ZBTB20: variants seen among roughly 807,000 people sequenced by gnomAD.
ZBTB20 encodes zinc finger and BTB domain containing 20.
Under a neutral mutation model 56.9 loss-of-function variants are expected in ZBTB20, and 9 were observed. The ratio of observed to expected loss-of-function variants is 0.16; its 90% confidence interval spans 0.10 to 0.28. The LOEUF is 0.28. ZBTB20 is among the 10% of genes least tolerant of loss of function. The pLI is 1.00. For missense variants in ZBTB20, 655 were observed against 1,003.0 expected (o/e 0.65, Z 4.69); for synonymous variants, 417 against 420.7 (o/e 0.99, Z 0.11).
At chr3:114,782,899 A>G (rs1487481713) in intron 5 of ZBTB20, among the ~76,000 whole-genome samples, 1 of 152,188 alleles carries the variant, frequency 6.6e-6, no homozygotes, top group Non-Finnish European at 1.5e-5. Flanking sequence ...CTAATTCCCA[A>G]TATACTTGAA....
intron 2 of ZBTB20, among the ~76,000 whole-genome samples, chr3:115,064,803 A>C (rs1008316331): frequency 1.3e-5 from 2 of 152,164 alleles, no homozygotes; most frequent in Non-Finnish European, 2.9e-5. Context: ...GTTGTCATTA[A>C]GAAATCAGAT....
chr3:114,443,068 C>T (rs2091033616), intron 7 of ZBTB20, among the ~76,000 whole-genome samples: 1 of 152,006 alleles, frequency 6.6e-6, no homozygotes, highest in African/African-American at 2.4e-5. Context: ...GAAGAAAATG[C>T]CAAAGATGAC....
At chr3:115,095,054 T>G (rs945258113) in intron 1 of ZBTB20, among the ~76,000 whole-genome samples, 7 of 152,032 alleles carry the variant, frequency 4.6e-5, no homozygotes, top group Non-Finnish European at 8.8e-5. Flanking sequence ...AATATGAACA[T>G]TAAATTCATC....
chr3:114,648,872 T>C (rs553213385), intron 6 of ZBTB20, among the ~76,000 whole-genome samples: 34 of 152,114 alleles, frequency 2.2e-4, no homozygotes, highest in African/African-American at 8.2e-4. Context: ...CTAAGGCAAA[T>C]ATTATTTATT....
chr3:114,573,475 AAGAAAGAAAGAC>A (rs2107374353), intron 6 of ZBTB20, among the ~76,000 whole-genome samples: 1 of 151,168 alleles, frequency 6.6e-6, no homozygotes, highest in East Asian at 1.9e-4. Context: ...AAAAAAAAAA[AAGAAAGAAAGAC>A]AGAAAGAAAG....
rs1467342908 is a variant in ZBTB20, at chr3:114,844,373, T to TATATATATATATA, written c.-416-43200_-416-43199insTATATATATATAT. The stretch of plus-strand genomic sequence containing the variant: ...TATATATATATATATATATATATAT[T>TATATATATATATA]AGCTGAGAGTGGTGGTGCATACCTA... On this transcript the variant is annotated intron_variant, in intron 4 of 11. Transcript: ENST00000675478. 9.2e-4 allele frequency among the ~76,000 whole-genome samples: 81 copies of TATATATATATATA among 88,230 alleles called. 1 individual carries two copies. Among genetic ancestry groups the TATATATATATATA allele is most frequent in the Non-Finnish European group, 1.5e-3 (71 of 48,842 alleles). The allele number at this position is 88,230 out of a possible 152,430, so 57.9% of individuals were successfully genotyped here.
intron 11 of ZBTB20, among the ~76,000 whole-genome samples, chr3:114,347,281 AGACAGTTACTCTGCAGGTCTAT>A (rs2080273376): frequency 6.6e-6 from 1 of 151,972 alleles, no homozygotes; most frequent in Non-Finnish European, 1.5e-5. Context: ...TGAATTGCTA[AGACAGTTACTCTGCAGGTCTAT>A]TGGTTTGCAT....
intron 11 of ZBTB20, among the ~76,000 whole-genome samples, chr3:114,346,345 T>G (rs539488621): frequency 6.6e-6 from 1 of 152,308 alleles, no homozygotes; most frequent in East Asian, 1.9e-4. Context: ...ATTTTTAATT[T>G]TTCTAATTAA....
At chr3:114,968,797 T>C (rs770304641) in intron 3 of ZBTB20, among the ~76,000 whole-genome samples, 8 of 152,222 alleles carry the variant, frequency 5.3e-5, no homozygotes, top group Non-Finnish European at 8.8e-5. Context: ...CAAATGTCTA[T>C]GGAGATCTTC....
intron 6 of ZBTB20, among the ~76,000 whole-genome samples, chr3:114,544,447 TTCTTTCTTTCTTTC>T (rs1277037664): frequency 3.5e-5 from 4 of 114,136 alleles, no homozygotes; most frequent in East Asian, 4.4e-4. Flanking sequence ...CTTTCTTTCT[TTCTTTCTTTCTTTC>T]TTTCTTTCTT....
intron 7 of ZBTB20, among the ~76,000 whole-genome samples, chr3:114,456,032 C>G (rs897985655): frequency 6.6e-6 from 1 of 152,120 alleles, no homozygotes; most frequent in African/African-American, 2.4e-5. Context: ...CTTTGAAGAT[C>G]TGGCCCAACA....
chr3:114,549,130 GA>G (rs2050246833), intron 6 of ZBTB20, among the ~76,000 whole-genome samples: 1 of 152,050 alleles, frequency 6.6e-6, no homozygotes, highest in Admixed American at 6.5e-5. Flanking sequence ...CTTATTCCAG[GA>G]AACAAAATCC....
intron 4 of ZBTB20, among the ~76,000 whole-genome samples, chr3:114,878,560 T>C (rs1455750916): frequency 7.6e-6 from 1 of 132,338 alleles, no homozygotes; most frequent in African/African-American, 2.8e-5. Flanking sequence ...CAAACCTGCA[T>C]GACTCTTGGA....
rs538570948 is a variant in ZBTB20, at chr3:114,659,886, T to C, written c.-295+33642A>G. 8.5e-5 allele frequency among the ~76,000 whole-genome samples: 13 copies of C among 152,260 alleles called. No individual in the cohort carries two copies. The South Asian group carries it at 1.9e-3, about 22-fold the overall frequency. ...GCCAAGACAACACATCTGAATGCAA[T>C]ATCAGTGGACACACCCTGAATCTCT... On this transcript the variant is annotated intron_variant, in intron 6 of 11. Coordinates refer to ENST00000675478, the MANE Select transcript of ZBTB20 (RefSeq NM_001348800.3).
intron 2 of ZBTB20, among the ~76,000 whole-genome samples, chr3:115,051,832 C>G (rs1021713374): frequency 5.9e-5 from 9 of 152,138 alleles, no homozygotes; most frequent in Non-Finnish European, 1.2e-4. Flanking sequence ...ACAGGCTGTA[C>G]AGGAAGCATG....
At chr3:114,593,160 T>C (rs965710310) in intron 6 of ZBTB20, among the ~76,000 whole-genome samples, 4 of 152,226 alleles carry the variant, frequency 2.6e-5, no homozygotes, top group Non-Finnish European at 5.9e-5. Flanking sequence ...AAATTCAGTG[T>C]CAACCTCTTC....
chr3:114,668,262 A>G (rs1268262024), intron 6 of ZBTB20, among the ~76,000 whole-genome samples: 2 of 151,980 alleles, frequency 1.3e-5, no homozygotes, highest in Non-Finnish European at 2.9e-5. Context: ...TCTGTCTCTT[A>G]CACACTGTAT....
Position 115,079,332 on chromosome 3 carries a change from A to G in ZBTB20, c.-702-7918T>C, listed in dbSNP as rs975385516. Among the ~76,000 whole-genome samples, 9 of 152,190 alleles carry G rather than the reference A, an allele frequency of 5.9e-5. No homozygotes were observed. In the East Asian group the frequency reaches 1.5e-3, roughly 26 times the overall value. On this transcript the variant is annotated intron_variant, in intron 1 of 11. Coordinates refer to ENST00000675478, the MANE Select transcript of ZBTB20 (RefSeq NM_001348800.3). ...GTAATGGAAATATGTGCGCATAGCT[A>G]CAAAATATCATAATCTCAGAATTAA... is the stretch of plus-strand genomic sequence containing the variant.
intron 4 of ZBTB20, among the ~76,000 whole-genome samples, chr3:114,839,729 C>G (rs1294065854): frequency 6.6e-6 from 1 of 152,042 alleles, no homozygotes; most frequent in Non-Finnish European, 1.5e-5. Context: ...GCCGTAAATC[C>G]AATAACATTT....
Sources: gnomAD v4.1 joint callset for allele counts (sites outside exome capture counted in the v4.1 genomes callset) on GRCh38, gnomAD v4.1.1 for gene constraint, MANE v1.5 for transcripts, NCBI Gene and HGNC (gene_info 2026-07-23, HGNC 2026-07-21) for gene names.